Variants in LRRTM4 observed in about 807,000 individuals in gnomAD.
The protein encoded by LRRTM4 is leucine rich repeat transmembrane neuronal 4.
A neutral mutation model predicts 47.6 loss-of-function variants in LRRTM4; 25 were observed. The ratio of observed to expected loss-of-function variants is 0.53; its 90% CI spans 0.38 to 0.73. The LOEUF (loss-of-function observed/expected upper bound fraction) is 0.73. Ranked by LOEUF, LRRTM4 falls within the 30% of genes least tolerant of loss-of-function variation. LRRTM4 has a pLI of 0.00. For synonymous variants in LRRTM4, 311 were observed against 269.5 expected, an observed-to-expected ratio of 1.15 and a Z score of -1.51; for missense variants, 638 against 713.4, an observed-to-expected ratio of 0.89 and a Z score of 1.20.
At chr2:77,426,165 G>A (rs1675096844) in intron 3 of LRRTM4, among the ~76,000 whole-genome samples, 1 of 149,970 alleles carries the variant, frequency 6.7e-6, no homozygotes, top group African/African-American at 2.4e-5. Flanking sequence ...TATTTCCCCT[G>A]TTCGATTAAT....
At chr2:76,893,453 ATAATAAC>A (rs1673316623) in intron 3 of LRRTM4, among the ~76,000 whole-genome samples, 1 of 151,758 alleles carries the variant, frequency 6.6e-6, no homozygotes, top group Non-Finnish European at 1.5e-5. Flanking sequence ...TAAATAATAA[ATAATAAC>A]TAACAACCAA....
chr2:76,955,240 CAA>C (rs1166321362), intron 3 of LRRTM4, among the ~76,000 whole-genome samples: 9 of 151,390 alleles, frequency 5.9e-5, no homozygotes, highest in Non-Finnish European at 1.2e-4. Flanking sequence ...TAGGAGTTAA[CAA>C]AAAAGTATAA....
chr2:77,284,721 C>T lies in LRRTM4; in HGVS notation c.1551+233597G>A, dbSNP rs572055427. ...CAAAGTCCTTCTGTGCTCCTTTCAC[C>T]TCAATATGGTGCTTGCTTGCAAGAT... On this transcript the variant is annotated intron_variant, in intron 3 of 3. Coordinates refer to ENST00000409884, the MANE Select transcript of LRRTM4 (RefSeq NM_001134745.3). Among the ~76,000 whole-genome samples, 8 of 152,070 alleles carry T rather than the reference C, an allele frequency of 5.3e-5. No individual in the cohort carries two copies. In the East Asian group the frequency reaches 1.2e-3, roughly 22 times the overall value.
At chr2:77,469,396 T>C (rs545863039) in intron 3 of LRRTM4, among the ~76,000 whole-genome samples, 6 of 151,786 alleles carry the variant, frequency 4.0e-5, no homozygotes, top group Non-Finnish European at 8.8e-5. Context: ...AAAAAAATCC[T>C]ACAAAGAATT....
intron 3 of LRRTM4, among the ~76,000 whole-genome samples, chr2:77,185,319 C>T (rs1650988755): frequency 6.6e-6 from 1 of 152,062 alleles, no homozygotes; most frequent in Admixed American, 6.6e-5. Flanking sequence ...TTAGCAATCC[C>T]ACTTGGCCAT....
intron 3 of LRRTM4, among the ~76,000 whole-genome samples, chr2:77,239,561 T>G (rs1425824652): frequency 6.6e-6 from 1 of 151,840 alleles, no homozygotes; most frequent in African/African-American, 2.4e-5. Flanking sequence ...AAATATGAAG[T>G]TATAGATAGG....
chr2:77,182,214 A>G (rs761801036), intron 3 of LRRTM4, among the ~76,000 whole-genome samples: 1 of 152,230 alleles, frequency 6.6e-6, no homozygotes, highest in Non-Finnish European at 1.5e-5. Context: ...AATGTGGTAT[A>G]TATACACCAT....
intron 3 of LRRTM4, among the ~76,000 whole-genome samples, chr2:76,867,057 C>T (rs1015413927): frequency 9.2e-5 from 14 of 151,458 alleles, no homozygotes; most frequent in Admixed American, 2.0e-4. Flanking sequence ...CATCACACAA[C>T]GTCTGTTAGG....
chr2:77,425,366 C>A (rs957088354), intron 3 of LRRTM4, among the ~76,000 whole-genome samples: 1 of 152,130 alleles, frequency 6.6e-6, no homozygotes, highest in African/African-American at 2.4e-5. Context: ...TTTTCTAAAT[C>A]CACTGGATAT....
intron 3 of LRRTM4, among the ~76,000 whole-genome samples, chr2:76,908,360 T>C (rs576068020): frequency 3.3e-5 from 5 of 152,046 alleles, no homozygotes; most frequent in Non-Finnish European, 2.9e-5. Flanking sequence ...ATAAGAGCTA[T>C]CTATGACAAA....
chr2:76,764,498 G>A (rs924748066), intron 3 of LRRTM4, among the ~76,000 whole-genome samples: 4 of 152,142 alleles, frequency 2.6e-5, no homozygotes, highest in East Asian at 1.9e-4. Flanking sequence ...GGGCGTGGTG[G>A]CGGGCGCCTA....
chr2:77,483,118 CAAAAAAAAAAAAAAAAAAAAAA>C (rs776265725), intron 3 of LRRTM4, among the ~76,000 whole-genome samples: 1 of 60,580 alleles, frequency 1.7e-5, no homozygotes, highest in Non-Finnish European at 2.8e-5. Context: ...AAGACTGTCT[CAAAAAAAAAAAAAAAAAAAAAA>C]AAAAAAAAAA....
intron 3 of LRRTM4, among the ~76,000 whole-genome samples, chr2:76,751,495 T>C (rs1451629407): frequency 1.3e-5 from 2 of 152,156 alleles, no homozygotes; most frequent in African/African-American, 4.8e-5. Flanking sequence ...AATTGGACCT[T>C]AATTTCTGTG....
chr2:77,053,212 G>A (rs1271906128), intron 3 of LRRTM4, among the ~76,000 whole-genome samples: 3 of 152,164 alleles, frequency 2.0e-5, no homozygotes, highest in Non-Finnish European at 2.9e-5. Context: ...ACTTGCATTT[G>A]TAGATATGAC....
At chr2:77,452,993 C>T (rs1057013458) in intron 3 of LRRTM4, among the ~76,000 whole-genome samples, 24 of 151,858 alleles carry the variant, frequency 1.6e-4, no homozygotes, top group African/African-American at 5.6e-4. Context: ...TATAAAAATA[C>T]TCCATGCATA....
At chr2:77,023,040 T>A (rs1452447751) in intron 3 of LRRTM4, among the ~76,000 whole-genome samples, 1 of 152,256 alleles carries the variant, frequency 6.6e-6, no homozygotes, top group African/African-American at 2.4e-5. Context: ...ATCCAGGCAT[T>A]TCCATACATC....
At chr2:76,966,094 G>C (rs1011112375) in intron 3 of LRRTM4, among the ~76,000 whole-genome samples, 1 of 151,436 alleles carries the variant, frequency 6.6e-6, no homozygotes, top group African/African-American at 2.4e-5. Context: ...ATAGACAAAG[G>C]ATTTTAAAGC....
chr2:77,251,728 A>C (rs530483178), intron 3 of LRRTM4, among the ~76,000 whole-genome samples: 1 of 152,310 alleles, frequency 6.6e-6, no homozygotes, highest in South Asian at 2.1e-4. Flanking sequence ...ACTACTTAGC[A>C]CCACTGCCCT....
chr2:77,505,831 C>A (rs906422638), intron 3 of LRRTM4, among the ~76,000 whole-genome samples: 2 of 151,430 alleles, frequency 1.3e-5, no homozygotes, highest in Non-Finnish European at 1.5e-5. Flanking sequence ...ATAAATCGAG[C>A]TCTAAGACAA....
Sources: allele counts gnomAD v4.1 joint callset (sites outside exome capture counted in the v4.1 genomes callset), GRCh38; gene constraint gnomAD v4.1.1; transcripts MANE v1.5; gene names NCBI Gene and HGNC (gene_info 2026-07-23, HGNC 2026-07-21).